Variants in PIWIL1 observed in about 807,000 individuals in gnomAD.
PIWIL1 encodes piwi-like protein 1.
A neutral mutation model predicts 114.4 loss-of-function variants in PIWIL1; 73 were observed. The observed-to-expected ratio is 0.64, with a 90% CI of 0.53 to 0.78. The LOEUF is 0.78. Among genes scored for constraint, PIWIL1 ranks in the 30% least tolerant of loss-of-function variants. PIWIL1 has a pLI of 0.00. For missense variants in PIWIL1, 723 were observed against 1,063.1 expected (o/e 0.68, Z 4.45); for synonymous variants, 375 against 369.0 (o/e 1.02, Z -0.19).
chr12:130,354,925 G>T lies in PIWIL1; in HGVS notation c.1209G>T (p.Met403Ile). The change falls in exon 11 of 21, where the codon ATG becomes ATT. Residue 403 changes from methionine (M) to isoleucine (I), a missense_variant. By Grantham distance (10) the Met-to-Ile change is conservative. Transcript: ENST00000245255. ...AAATGCGTAATGATTTTAACGTGAT[G>T]AAAGACTTAGCCGTTCATACAAGAC... is the stretch of plus-strand genomic sequence containing the variant. ...TDKMRNDFNVMKDLAVHTRLT... is the reference protein window; with the variant it reads ...TDKMRNDFNVIKDLAVHTRLT... The T allele has an allele frequency of 6.2e-7, 1 of 1,613,914 alleles. No individual in the cohort carries two copies. Among genetic ancestry groups the T allele is most frequent in the Non-Finnish European group, 8.5e-7 (1 of 1,179,808 alleles).
the PIWIL1 span, among the ~76,000 whole-genome samples, chr12:130,410,277 G>A: frequency 3.9e-5 from 6 of 152,194 alleles, no homozygotes; most frequent in Admixed American, 3.3e-4. Flanking sequence ...TATTCTGAAT[G>A]CAAATCCTTT....
chr12:130,356,818 T>G (rs2073376712), intron 12 of PIWIL1, 100 bp from the exon 13 acceptor site: 5 of 786,218 alleles, frequency 6.4e-6, no homozygotes, highest in Non-Finnish European at 9.8e-6. Flanking sequence ...AGTAGTACAC[T>G]AAGTTTCAAA....
At chr12:130,372,801 T>G (rs1436154050), downstream of PIWIL1, among the ~76,000 whole-genome samples, 3 of 152,088 alleles carry the variant, frequency 2.0e-5, no homozygotes, top group African/African-American at 7.2e-5. Flanking sequence ...TGTAGTTTTT[T>G]ATATCTACAT....
the PIWIL1 span, among the ~76,000 whole-genome samples, chr12:130,415,457 G>A: frequency 6.6e-6 from 1 of 152,172 alleles, no homozygotes; most frequent in Non-Finnish European, 1.5e-5. Context: ...TATTGAACAG[G>A]CAAAGGCTGG....
chr12:130,411,757 T>C, the PIWIL1 span, among the ~76,000 whole-genome samples: 1 of 152,176 alleles, frequency 6.6e-6, no homozygotes, highest in Non-Finnish European at 1.5e-5. Context: ...GTGGGCGATA[T>C]ATTCACACTA....
chr12:130,414,437 A>T, the PIWIL1 span: 1 of 852,732 alleles, frequency 1.2e-6, no homozygotes, highest in African/African-American at 1.7e-5. Context: ...GTGTCTTAAC[A>T]TGTAGGTGGA....
At chr12:130,375,727 T>C (rs950036412), downstream of PIWIL1, among the ~76,000 whole-genome samples, 1 of 152,168 alleles carries the variant, frequency 6.6e-6, no homozygotes, top group Non-Finnish European at 1.5e-5. Context: ...TTGGGCCCCA[T>C]TGACCCTTAA....
intron 19 of PIWIL1, among the ~76,000 whole-genome samples, chr12:130,367,741 A>G (rs1266346289): frequency 6.6e-6 from 1 of 152,218 alleles, no homozygotes; most frequent in Non-Finnish European, 1.5e-5. Flanking sequence ...TACAGCGGGC[A>G]CCGGCAGGCA....
At chr12:130,424,715 AC>A in the PIWIL1 span, 1 of 1,232,096 alleles carries the variant, frequency 8.1e-7, no homozygotes, top group Non-Finnish European at 1.0e-6. This position sits in a 1 kb window ranked among gnomAD's most constrained non-coding sequence, Gnocchi z 9.8. Flanking sequence ...ACGGCCCTGC[AC>A]CCTGCTTGTG....
At chr12:130,397,169 C>T in the PIWIL1 span, 14 of 351,236 alleles carry the variant, frequency 4.0e-5, no homozygotes, top group African/African-American at 1.3e-4. Flanking sequence ...AGACTGCCAG[C>T]GGTGACAGAG....
the PIWIL1 span, among the ~76,000 whole-genome samples, chr12:130,405,699 A>G: frequency 0.046 from 7,021 of 151,888 alleles, 317 homozygotes; most frequent in East Asian, 0.19. Context: ...GGGGGTTCCA[A>G]GCTGCTAACA....
At chr12:130,400,956 C>T in the PIWIL1 span, among the ~76,000 whole-genome samples, 3 of 152,110 alleles carry the variant, frequency 2.0e-5, no homozygotes, top group Non-Finnish European at 2.9e-5. Context: ...AACGAATACT[C>T]GTGCACTTTT....
intron 14 of PIWIL1, among the ~76,000 whole-genome samples, chr12:130,360,801 G>A (rs530397805): frequency 8.5e-5 from 13 of 152,308 alleles, no homozygotes; most frequent in Non-Finnish European, 1.6e-4. Flanking sequence ...AAGCTTACAA[G>A]TTACAATTGT....
At chr12:130,371,130 C>T in intron 19 of PIWIL1, 46 bp from the exon 20 acceptor site, 1 of 1,321,874 alleles carries the variant, frequency 7.6e-7, no homozygotes, top group African/African-American at 1.4e-5. Flanking sequence ...CTGGAATCAC[C>T]CTAATTTTAG....
At chr12:130,360,961 A>G (rs140592856) in intron 14 of PIWIL1, among the ~76,000 whole-genome samples, 306 of 152,352 alleles carry the variant, frequency 2.0e-3, no homozygotes, top group African/African-American at 6.7e-3. Flanking sequence ...TTTGCTTAAC[A>G]TGATTTATTT....
chr12:130,403,236 A>C, the PIWIL1 span, among the ~76,000 whole-genome samples: 1 of 152,228 alleles, frequency 6.6e-6, no homozygotes, highest in African/African-American at 2.4e-5. Flanking sequence ...GAAATACTTA[A>C]ATGAACTGGG....
At chr12:130,340,437 A>C (rs991484329) in intron 1 of PIWIL1, among the ~76,000 whole-genome samples, 1 of 151,870 alleles carries the variant, frequency 6.6e-6, no homozygotes, top group Non-Finnish European at 1.5e-5. Flanking sequence ...TTAGATTCTC[A>C]TAAGGAGCAG....
the PIWIL1 span, among the ~76,000 whole-genome samples, chr12:130,417,668 C>G: frequency 6.6e-6 from 1 of 152,234 alleles, no homozygotes; most frequent in Non-Finnish European, 1.5e-5. Context: ...ACCCAAACAT[C>G]AGCATTCTGC....
chr12:130,424,527 C>G, the PIWIL1 span: 1 of 1,231,876 alleles, frequency 8.1e-7, no homozygotes, highest in Non-Finnish European at 1.0e-6. This position sits in a 1 kb window ranked among gnomAD's most constrained non-coding sequence, Gnocchi z 9.8. Flanking sequence ...GTCCGGGCTC[C>G]GGGTGGCCGA....
Sources: allele counts gnomAD v4.1 joint callset (sites outside exome capture counted in the v4.1 genomes callset), GRCh38; gene constraint gnomAD v4.1.1; non-coding constraint Gnocchi (gnomAD v3.1); transcripts MANE v1.5; gene names NCBI Gene and HGNC (gene_info 2026-07-23, HGNC 2026-07-21).